IDO1: variants seen among roughly 807,000 people sequenced by gnomAD.
The protein encoded by IDO1 is indolamine 2,3 dioxygenase.
In IDO1, 35 loss-of-function variants were observed where a neutral mutation model predicts 38.8. The observed-to-expected ratio is 0.90, with a 90% CI of 0.69 to 1.20. IDO1 has a LOEUF of 1.20. Ranked by LOEUF, IDO1 falls within the 50% of genes most tolerant of loss-of-function variation. The pLI is 0.00. For synonymous variants in IDO1, 171 were observed against 170.0 expected, an observed-to-expected ratio of 1.01 and a Z score of -0.05; for missense variants, 509 against 485.1, an observed-to-expected ratio of 1.05 and a Z score of -0.46.
intron 5 of IDO1, chr8:39,920,941 G>T (rs544369571): frequency 6.6e-6 from 1 of 152,202 alleles, no homozygotes; most frequent in African/African-American, 2.4e-5. Flanking sequence ...TGTAAATTGC[G>T]ATATGATAAA....
At chr8:39,923,671 G>A (rs1807314488) in intron 7 of IDO1, 85 bp downstream of exon 7, 3 of 711,636 alleles carry the variant, frequency 4.2e-6, no homozygotes, top group Admixed American at 5.3e-5. Flanking sequence ...GAAGCAAAAA[G>A]CAACTATCAC....
Position 39,928,567 on chromosome 8 carries a change from A to G in IDO1, c.*382A>G, listed in dbSNP as rs894956071. 1 of 156,424 alleles carries G rather than the reference A, an allele frequency of 6.4e-6. No individual in the cohort carries two copies. Among genetic ancestry groups the G allele is most frequent in the Non-Finnish European group, 1.4e-5 (1 of 70,684 alleles). The allele number at this position is 156,424 out of a possible 1,614,324, so 9.7% of individuals were successfully genotyped here. On this transcript the variant is annotated 3_prime_UTR_variant, in exon 10 of 10. Coordinates refer to ENST00000518237, the MANE Select transcript of IDO1 (RefSeq NM_002164.6). ...GCTAACACGGTGAAACCCCGTCTCT[A>G]CTAAAAATACAAAAAATTAGCCGGG...
Position 39,928,646 on chromosome 8 carries a change from T to G in IDO1, c.*461T>G, listed in dbSNP as rs953643921. Among the ~76,000 whole-genome samples the G allele has an allele frequency of 1.3e-5, 2 of 148,966 alleles. No individual in the cohort carries two copies. Among genetic ancestry groups the G allele is most frequent in the Non-Finnish European group, 3.0e-5 (2 of 67,600 alleles). ...TACTCGGGAGGCTGAGGCAGGAGAA[T>G]GGCGTGAACCTGGGAGGCGGAGCTT... On this transcript the variant is annotated 3_prime_UTR_variant, in exon 10 of 10. Transcript: ENST00000518237.
chr8:39,928,093 C>A lies in IDO1; in HGVS notation c.1120C>A (p.Leu374Met). The change falls in exon 10 of 10, where the codon CTG becomes ATG. Residue 374 changes from leucine (L) to methionine (M), a missense_variant. Leu to Met is a conservative substitution (Grantham distance 15). Transcript: ENST00000518237. ...TAAGACCTCTGAAGACCCTTCAAAA[C>A]TGGAAGCCAAAGGAACTGGAGGCAC... ...ENKTSEDPSK[L>M]EAKGTGGTDL... is the part of the protein sequence containing the mutation. The A allele has an allele frequency of 6.2e-7, 1 of 1,613,408 alleles. No homozygotes were observed. The highest frequency in any genetic ancestry group is 8.5e-7 in the Non-Finnish European group (1 of 1,179,662).
At chr8:39,917,281 A>G (rs1344254424) in intron 1 of IDO1, among the ~76,000 whole-genome samples, 4 of 152,154 alleles carry the variant, frequency 2.6e-5, no homozygotes, top group African/African-American at 7.2e-5. Flanking sequence ...AGATCACCTG[A>G]GGTTAGGAGG....
chr8:39,925,589 A>C (rs1807347326), intron 9 of IDO1, among the ~76,000 whole-genome samples: 2 of 152,154 alleles, frequency 1.3e-5, no homozygotes, highest in Admixed American at 1.3e-4. Flanking sequence ...ACCAGCTAGA[A>C]AGTGGCAGAG....
intron 1 of IDO1, among the ~76,000 whole-genome samples, chr8:39,916,001 T>TA (rs1467887772): frequency 2.7e-5 from 4 of 150,650 alleles, no homozygotes; most frequent in Non-Finnish European, 5.9e-5. Flanking sequence ...CCGTCTCTAC[T>TA]AAAAAAATAC....
At chr8:39,924,573 T>C (rs1011670333) in intron 7 of IDO1, 148 bp from the exon 8 acceptor site, 1 of 601,930 alleles carries the variant, frequency 1.7e-6, no homozygotes, top group African/African-American at 1.9e-5. Flanking sequence ...AAGTGAATGC[T>C]TATCTGCAGG....
intron 5 of IDO1, among the ~76,000 whole-genome samples, chr8:39,922,247 C>T (rs894168035): frequency 3.3e-5 from 5 of 152,120 alleles, no homozygotes; most frequent in South Asian, 2.1e-4. Flanking sequence ...GTGATCCACC[C>T]GCCTTGGCCT....
intron 9 of IDO1, among the ~76,000 whole-genome samples, chr8:39,926,727 G>A (rs1374551585): frequency 1.3e-5 from 2 of 152,072 alleles, no homozygotes; most frequent in South Asian, 2.1e-4. Context: ...ACATGTGCAG[G>A]CTTATTACAC....
intron 4 of IDO1, chr8:39,919,153 A>G: frequency 1.5e-6 from 1 of 686,588 alleles, no homozygotes; most frequent in Admixed American, 1.8e-5. Flanking sequence ...TAAAATGCAC[A>G]AATCTTAAGT....
chr8:39,917,907 G>A lies in IDO1; in HGVS notation c.120G>A (p.Met40Ile). 1 of 1,607,160 alleles carries A rather than the reference G, an allele frequency of 6.2e-7. No individual in the cohort carries two copies. The highest frequency in any genetic ancestry group is 8.5e-7 in the Non-Finnish European group (1 of 1,174,814). ...ENLPDFYNDWMFIAKHLPDLI... is the reference protein window; with the variant it reads ...ENLPDFYNDWIFIAKHLPDLI... ...TACCTGATTTTTATAATGACTGGAT[G>A]TTCATTGCTAAACATCTGCCTGATC... is the stretch of plus-strand genomic sequence containing the variant. Residue 40 changes from methionine (M) to isoleucine (I), a missense_variant, in exon 2 of 10, where the codon ATG becomes ATA. By Grantham distance (10) the Met-to-Ile change is conservative. Coordinates refer to ENST00000518237, the MANE Select transcript of IDO1 (RefSeq NM_002164.6).
chr8:39,925,757 G>T (rs1807349860), intron 9 of IDO1, among the ~76,000 whole-genome samples: 1 of 152,032 alleles, frequency 6.6e-6, no homozygotes, highest in African/African-American at 2.4e-5. Flanking sequence ...GGTGGTGGGT[G>T]CCTCTAATCC....
At chr8:39,924,796 T>G (rs1167654044) in intron 8 of IDO1, 24 bp downstream of exon 8, 7 of 1,571,348 alleles carry the variant, frequency 4.5e-6, no homozygotes, top group Non-Finnish European at 8.7e-7. Flanking sequence ...TGTTTGAATT[T>G]GTTTGCTCTC....
At position 39,924,545 on chromosome 8, in the gene IDO1, TC is replaced by T. The variant is rs377709432; in HGVS notation, c.656-174del. Among the ~76,000 whole-genome samples, 37 of 152,318 alleles carry T rather than the reference TC, an allele frequency of 2.4e-4. 1 individual carries two copies. The East Asian group carries it at 6.4e-3, about 26-fold the overall frequency. On this transcript the variant is annotated intron_variant, in intron 7 of 9. Coordinates refer to ENST00000518237, the MANE Select transcript of IDO1 (RefSeq NM_002164.6). ...ATAAATAGATACAGTTTAATGGGCT[TC>T]CTGGAAGAGGGTAGGAAAGTGAATG...
intron 6 of IDO1, 55 bp downstream of exon 6, chr8:39,922,706 C>A: frequency 8.7e-7 from 1 of 1,148,360 alleles, no homozygotes; most frequent in South Asian, 1.2e-5. Context: ...GCAGAGCAAT[C>A]ACTTCGGAGC....
At chr8:39,919,037 AGCTGGGTATGGTTCCTCTCAGTTCCTCG>A (rs773222751) in intron 4 of IDO1, 104 bp downstream of exon 4, 8 of 792,188 alleles carry the variant, frequency 1.0e-5, no homozygotes, top group African/African-American at 3.4e-5. Context: ...CTTTCCTCTC[AGCTGGGTATGGTTCCTCTCAGTTCCTCG>A]GCTGGGTACG....
At chr8:39,926,056 G>A (rs910714646) in intron 9 of IDO1, among the ~76,000 whole-genome samples, 20 of 151,772 alleles carry the variant, frequency 1.3e-4, no homozygotes, top group Non-Finnish European at 2.1e-4. Flanking sequence ...GCATGGTGGC[G>A]GGTGCCTGTA....
chr8:39,923,366 T>C (rs1302838765), intron 6 of IDO1, 103 bp from the exon 7 acceptor site: 2 of 661,978 alleles, frequency 3.0e-6, no homozygotes, highest in African/African-American at 3.9e-5. Context: ...ATCGCGCCAC[T>C]GCACCCCAGC....
Sources: allele counts gnomAD v4.1 joint callset (sites outside exome capture counted in the v4.1 genomes callset), GRCh38; gene constraint gnomAD v4.1.1; transcripts MANE v1.5; gene names NCBI Gene and HGNC (gene_info 2026-07-23, HGNC 2026-07-21).